The following TSPAN9 variants were observed in gnomAD, a reference collection of about 807,000 sequenced individuals.
The protein encoded by TSPAN9 is tetraspanin 9, also known as tetraspanin-9.
A neutral mutation model predicts 31.0 loss-of-function variants in TSPAN9; 16 were observed. The ratio of observed to expected loss-of-function variants is 0.52; its 90% CI spans 0.35 to 0.78. The LOEUF (loss-of-function observed/expected upper bound fraction) is 0.78. TSPAN9 is among the 30% of genes least tolerant of loss of function. TSPAN9 has a pLI of 0.01. For missense variants in TSPAN9, 272 were observed against 312.5 expected (o/e 0.87, Z 0.98); for synonymous variants, 145 against 121.6 (o/e 1.19, Z -1.27).
At chr12:3,182,365 C>T (rs1210620086) in intron 2 of TSPAN9, among the ~76,000 whole-genome samples, 1 of 152,008 alleles carries the variant, frequency 6.6e-6, no homozygotes, top group Non-Finnish European at 1.5e-5. Flanking sequence ...CCGAGGCTGC[C>T]TGGGGCCCAC....
chr12:3,094,681 G>A (rs1047574572), intron 2 of TSPAN9, among the ~76,000 whole-genome samples: 2 of 151,596 alleles, frequency 1.3e-5, no homozygotes, highest in Admixed American at 6.6e-5. Context: ...GATTACAGGT[G>A]GCTGCCACTA....
chr12:3,210,272 T>A (rs575679372), intron 3 of TSPAN9, among the ~76,000 whole-genome samples: 1 of 152,198 alleles, frequency 6.6e-6, no homozygotes, highest in Non-Finnish European at 1.5e-5. Context: ...CTTTCCTAGA[T>A]AATGCCAGAT....
intron 3 of TSPAN9, among the ~76,000 whole-genome samples, chr12:3,219,935 A>G (rs1591685495): frequency 1.3e-5 from 2 of 151,428 alleles, no homozygotes; most frequent in Admixed American, 6.6e-5. Flanking sequence ...CGGGCGGATC[A>G]CCTGAGGTCA....
intron 3 of TSPAN9, among the ~76,000 whole-genome samples, chr12:3,263,941 T>G (rs4766083): frequency 6.6e-6 from 1 of 151,288 alleles, no homozygotes; most frequent in Non-Finnish European, 1.5e-5. Flanking sequence ...GAGGTGGAGG[T>G]GTGGAAGGTG....
chr12:3,207,231 C>T (rs916904644), intron 3 of TSPAN9, among the ~76,000 whole-genome samples: 7 of 151,878 alleles, frequency 4.6e-5, no homozygotes, highest in African/African-American at 1.7e-4. Flanking sequence ...CTGTGTCACT[C>T]GGGCTCAAGC....
At chr12:3,146,055 C>CT (rs1335773978) in intron 2 of TSPAN9, among the ~76,000 whole-genome samples, 1 of 152,256 alleles carries the variant, frequency 6.6e-6, no homozygotes, top group East Asian at 1.9e-4. Context: ...CGCTTTCCCA[C>CT]TTTGAGGCTG....
chr12:3,169,761 T>C (rs563946330), intron 2 of TSPAN9, among the ~76,000 whole-genome samples: 1 of 152,110 alleles, frequency 6.6e-6, no homozygotes, highest in African/African-American at 2.4e-5. Context: ...GGAAGACTTA[T>C]CAAGGAGGCA....
At chr12:3,083,508 T>A (rs1318575773) in intron 1 of TSPAN9, 145 bp from the exon 2 acceptor site, 1 of 152,290 alleles carries the variant, frequency 6.6e-6, no homozygotes, top group Non-Finnish European at 1.5e-5. Context: ...GCCTTCCTGT[T>A]TGCCATTTCT....
At chr12:3,185,546 C>G (rs905685303) in intron 2 of TSPAN9, among the ~76,000 whole-genome samples, 6 of 151,814 alleles carry the variant, frequency 4.0e-5, no homozygotes, top group Non-Finnish European at 1.5e-5. Flanking sequence ...AGGGGATGAC[C>G]AGTCTCCCCC....
chr12:3,167,436 T>G (rs1316952281), intron 2 of TSPAN9, among the ~76,000 whole-genome samples: 1 of 152,198 alleles, frequency 6.6e-6, no homozygotes, highest in Admixed American at 6.5e-5. Context: ...ATTGATCAGC[T>G]TAGGAAAAAA....
chr12:3,089,902 TCTCAAAA>T (rs2098303336), intron 2 of TSPAN9, among the ~76,000 whole-genome samples: 1 of 152,050 alleles, frequency 6.6e-6, no homozygotes, highest in Non-Finnish European at 1.5e-5. Flanking sequence ...TGAGATCCTG[TCTCAAAA>T]TAAATAAATA....
intron 2 of TSPAN9, among the ~76,000 whole-genome samples, chr12:3,125,806 A>C (rs917812581): frequency 1.3e-5 from 2 of 152,126 alleles, no homozygotes; most frequent in Non-Finnish European, 2.9e-5. Flanking sequence ...AATACGTTTG[A>C]AACTGACCCT....
At chr12:3,237,884 A>G (rs2098394631) in intron 3 of TSPAN9, among the ~76,000 whole-genome samples, 1 of 152,160 alleles carries the variant, frequency 6.6e-6, no homozygotes, top group South Asian at 2.1e-4. Flanking sequence ...CCTGGTGTGA[A>G]TTTTGCAAAC....
At chr12:3,198,638 C>A (rs1169809855) in intron 2 of TSPAN9, among the ~76,000 whole-genome samples, 1 of 105,108 alleles carries the variant, frequency 9.5e-6, no homozygotes, top group Non-Finnish European at 2.0e-5. Context: ...CCACCACCAG[C>A]ACAGCTCACC....
intron 3 of TSPAN9, among the ~76,000 whole-genome samples, chr12:3,221,001 G>C (rs1162023833): frequency 6.6e-6 from 1 of 152,180 alleles, no homozygotes; most frequent in Non-Finnish European, 1.5e-5. Flanking sequence ...TGACTGGAGA[G>C]CCCTGGAGAC....
At chr12:3,183,726 G>A (rs139465419) in intron 2 of TSPAN9, among the ~76,000 whole-genome samples, 47 of 152,262 alleles carry the variant, frequency 3.1e-4, no homozygotes, top group South Asian at 6.2e-4. Context: ...TGGGACCCAC[G>A]CTTGGAGAAG....
Position 3,228,821 on chromosome 12 carries a change from T to C in TSPAN9, c.63+27565T>C, listed in dbSNP as rs147716683. On this transcript the variant is annotated intron_variant, in intron 3 of 8. Transcript: ENST00000011898. ...TTATGTCACCATTCTGGAGGCCAGA[T>C]GTCTGAAATTGAAGTGTTGCAGGGC... is the stretch of plus-strand genomic sequence containing the variant. Among the ~76,000 whole-genome samples, 55 of 152,308 alleles carry C rather than the reference T, an allele frequency of 3.6e-4. No individual in the cohort carries two copies. The East Asian group carries it at 0.01, about 29-fold the overall frequency.
intron 3 of TSPAN9, among the ~76,000 whole-genome samples, chr12:3,262,382 T>TC (rs1191826521): frequency 1.3e-5 from 2 of 151,918 alleles, no homozygotes; most frequent in Non-Finnish European, 1.5e-5. Flanking sequence ...CTTTTTTTTT[T>TC]TTTCTGTTGA....
At chr12:3,163,374 C>A (rs551380680) in intron 2 of TSPAN9, among the ~76,000 whole-genome samples, 2 of 152,308 alleles carry the variant, frequency 1.3e-5, no homozygotes, top group South Asian at 2.1e-4. Context: ...ACACTCTACC[C>A]CATGGTAAGA....
Sources: gnomAD v4.1 joint callset for allele counts (sites outside exome capture counted in the v4.1 genomes callset) on GRCh38, gnomAD v4.1.1 for gene constraint, MANE v1.5 for transcripts, NCBI Gene and HGNC (gene_info 2026-07-23, HGNC 2026-07-21) for gene names.